The following DCC variants were observed in gnomAD, a reference collection of about 807,000 sequenced individuals.
DCC encodes DCC netrin 1 receptor, also known as netrin receptor DCC.
A neutral mutation model predicts 172.5 loss-of-function variants in DCC; 58 were observed. The observed-to-expected ratio is 0.34, with a 90% CI of 0.27 to 0.42. The LOEUF (loss-of-function observed/expected upper bound fraction) is 0.42, where lower values mean the gene tolerates loss of function less well. Among genes scored for constraint, DCC ranks in the 10% least tolerant of loss-of-function variants. The pLI is 1.00. For missense variants in DCC, 1,740 were observed against 1,791.0 expected (o/e 0.97, Z 0.51); for synonymous variants, 709 against 644.5 (o/e 1.10, Z -1.52).
chr18:52,344,428 C>T (rs1187470872), intron 1 of DCC, among the ~76,000 whole-genome samples: 2 of 152,170 alleles, frequency 1.3e-5, no homozygotes, highest in African/African-American at 4.8e-5. Context: ...ATTCTAGCAA[C>T]TCAGTTATCT....
intron 13 of DCC, among the ~76,000 whole-genome samples, chr18:53,313,448 G>A (rs2057306926): frequency 1.3e-5 from 2 of 152,000 alleles, no homozygotes; most frequent in Admixed American, 1.3e-4. Context: ...GTTTCACCAT[G>A]TTGACCAAGC....
At chr18:52,472,984 A>C (rs893022386) in intron 1 of DCC, among the ~76,000 whole-genome samples, 7 of 152,226 alleles carry the variant, frequency 4.6e-5, no homozygotes, top group African/African-American at 1.2e-4. Context: ...GAGTATTTCA[A>C]ATTTCAGACA....
chr18:53,370,407 C>T (rs2058048479), intron 15 of DCC, among the ~76,000 whole-genome samples: 1 of 151,668 alleles, frequency 6.6e-6, no homozygotes, highest in African/African-American at 2.4e-5. Context: ...CTTTGGGTTT[C>T]ATTGACATTC....
chr18:52,709,684 A>G (rs911408645), intron 1 of DCC, among the ~76,000 whole-genome samples: 1 of 152,234 alleles, frequency 6.6e-6, no homozygotes, highest in Admixed American at 6.5e-5. Flanking sequence ...TATGTTAAAG[A>G]TTAATACAAC....
intron 1 of DCC, among the ~76,000 whole-genome samples, chr18:52,709,195 T>G (rs2036257288): frequency 6.6e-6 from 1 of 152,138 alleles, no homozygotes; most frequent in Admixed American, 6.5e-5. Flanking sequence ...AATAATGAGT[T>G]CAAGGTGATA....
At chr18:53,502,527 A>AGC (rs1482956607) in intron 27 of DCC, among the ~76,000 whole-genome samples, 7 of 152,240 alleles carry the variant, frequency 4.6e-5, no homozygotes, top group Admixed American at 4.6e-4. Context: ...TAAAGATGAA[A>AGC]TACTTAGAGC....
At chr18:53,008,071 A>G (rs1028989885) in intron 5 of DCC, among the ~76,000 whole-genome samples, 2 of 152,174 alleles carry the variant, frequency 1.3e-5, no homozygotes, top group African/African-American at 4.8e-5. Flanking sequence ...TTTGTGCATA[A>G]TATTACTAAA....
At chr18:52,491,406 T>C (rs1252666294) in intron 1 of DCC, among the ~76,000 whole-genome samples, 1 of 152,136 alleles carries the variant, frequency 6.6e-6, no homozygotes, top group African/African-American at 2.4e-5. Flanking sequence ...TGGGGTGACC[T>C]GGACATAATA....
intron 2 of DCC, among the ~76,000 whole-genome samples, chr18:52,772,252 G>A (rs981699049): frequency 2.0e-5 from 3 of 152,156 alleles, no homozygotes; most frequent in Non-Finnish European, 2.9e-5. Context: ...ATTCTTTTAA[G>A]ACTAGACCAT....
At chr18:52,946,786 A>G (rs1252662649) in intron 5 of DCC, among the ~76,000 whole-genome samples, 1 of 152,222 alleles carries the variant, frequency 6.6e-6, no homozygotes, top group East Asian at 1.9e-4. Flanking sequence ...ATGCAGACAT[A>G]TGAAGAATTG....
chr18:52,745,904 C>T (rs556112373), intron 1 of DCC, among the ~76,000 whole-genome samples: 2 of 152,110 alleles, frequency 1.3e-5, no homozygotes, highest in Admixed American at 6.5e-5. Flanking sequence ...ACTTTGAGAA[C>T]CACTGTTTCA....
intron 25 of DCC, among the ~76,000 whole-genome samples, chr18:53,472,877 GT>G (rs1251475512): frequency 6.6e-6 from 1 of 152,122 alleles, no homozygotes; most frequent in Non-Finnish European, 1.5e-5. Flanking sequence ...TTTTAAAAAC[GT>G]TTTTAGCATA....
At chr18:53,200,692 A>AGT (rs1319601283) in intron 9 of DCC, among the ~76,000 whole-genome samples, 5 of 152,052 alleles carry the variant, frequency 3.3e-5, no homozygotes, top group African/African-American at 2.4e-5. Flanking sequence ...GCCTGACGGA[A>AGT]GTGTGTGTGT....
At chr18:53,341,741 T>C (rs1392537123) in intron 15 of DCC, among the ~76,000 whole-genome samples, 13 of 152,178 alleles carry the variant, frequency 8.5e-5, no homozygotes, top group Admixed American at 7.9e-4. Flanking sequence ...AAAGTGTGTG[T>C]GAGAGACATA....
chr18:53,110,274 TA>T (rs547803346), intron 7 of DCC, among the ~76,000 whole-genome samples: 12 of 151,858 alleles, frequency 7.9e-5, no homozygotes, highest in African/African-American at 2.9e-4. Flanking sequence ...CATCAATAGT[TA>T]AATGTGTTGA....
rs1221572568 is a variant in DCC at position 53,428,953 on chromosome 18, CAT to C, written c.3164-6188_3164-6187del. 6.8e-4 allele frequency among the ~76,000 whole-genome samples: 34 copies of C among 50,022 alleles called. 4 individuals carry two copies. The highest frequency in any genetic ancestry group is 2.7e-3 in the Admixed American group (8 of 2,974). The allele number at this position is 50,022 out of a possible 152,430, so 32.8% of individuals were successfully genotyped here. A position where few individuals can be genotyped will look rare whatever the true frequency, so the allele number is the denominator to read the frequency against. On this transcript the variant is annotated intron_variant, in intron 21 of 28. Transcript: ENST00000442544. ...TTTATATATAATAAATTATATATAA[CAT>C]ATTATATTTTATATATAACATATAT...
At chr18:52,776,709 C>T (rs893287378) in intron 2 of DCC, among the ~76,000 whole-genome samples, 7 of 151,190 alleles carry the variant, frequency 4.6e-5, no homozygotes, top group Admixed American at 2.0e-4. Context: ...CAGAGAAAAA[C>T]GCACATACAT....
At chr18:52,526,489 G>A (rs550841616) in intron 1 of DCC, among the ~76,000 whole-genome samples, 7 of 151,676 alleles carry the variant, frequency 4.6e-5, no homozygotes, top group Admixed American at 4.6e-4. Context: ...AGGTTTCTGA[G>A]GGCCACGAAA....
At chr18:52,593,330 C>T (rs541359870) in intron 1 of DCC, among the ~76,000 whole-genome samples, 2 of 152,292 alleles carry the variant, frequency 1.3e-5, no homozygotes, top group South Asian at 4.1e-4. Context: ...TCTGCATCCT[C>T]CCACTACGTA....
Sources: gnomAD v4.1 joint callset for allele counts (sites outside exome capture counted in the v4.1 genomes callset) on GRCh38, gnomAD v4.1.1 for gene constraint, MANE v1.5 for transcripts, NCBI Gene and HGNC (gene_info 2026-07-23, HGNC 2026-07-21) for gene names.